Variants in CALR observed in about 807,000 individuals in gnomAD.
The protein encoded by CALR is CRP55.
A neutral mutation model predicts 51.1 loss-of-function variants in CALR; 15 were observed. The ratio of observed to expected loss-of-function variants is 0.29; its 90% CI spans 0.20 to 0.45. The LOEUF is 0.45. CALR is among the 20% of genes least tolerant of loss of function. The pLI is 1.00. For synonymous variants in CALR, 239 were observed against 205.9 expected (o/e 1.16, Z -1.38); for missense variants, 477 against 530.6 (o/e 0.90, Z 0.99).
At chr19:12,942,493 C>G (rs181425729) in intron 7 of CALR, among the ~76,000 whole-genome samples, 2 of 151,514 alleles carry the variant, frequency 1.3e-5, no homozygotes, top group Non-Finnish European at 2.9e-5. Flanking sequence ...AAACAAGAAA[C>G]AGGTGCAGAG....
intron 7 of CALR, chr19:12,943,222 C>G: frequency 1.6e-5 from 6 of 369,836 alleles, no homozygotes; most frequent in South Asian, 1.3e-4. Flanking sequence ...ATAGCTGGGA[C>G]TACAGGCACT....
chr19:12,940,257 A>C lies in CALR; in HGVS notation c.507A>C (p.Thr169=), dbSNP rs187996595. The C allele has an allele frequency of 6.2e-7, 1 of 1,614,196 alleles. No individual in the cohort carries two copies. Among genetic ancestry groups the C allele is most frequent in the Middle Eastern group, 1.6e-4 (1 of 6,062 alleles). ...KDIRCKDDEF[T]HLYTLIVRPD... is the part of the protein sequence containing the mutation. Reference sequence around the variant, plus strand: ...TCCTTCTTCAGGATGATGAGTTTACACACCTGTACACACTGATTGTGCGGC... The same window carrying C: ...TCCTTCTTCAGGATGATGAGTTTACCCACCTGTACACACTGATTGTGCGGC... The change falls in exon 5 of 9, where the codon ACA becomes ACC. Residue 169 remains threonine (T), a synonymous_variant. Coordinates refer to ENST00000316448, the MANE Select transcript of CALR (RefSeq NM_004343.4).
Position 12,940,768 on chromosome 19 carries a change from G to C in CALR, c.841G>C (p.Asp281His). 1 of 1,614,102 alleles carries C rather than the reference G, an allele frequency of 6.2e-7. No individual in the cohort carries two copies. Among genetic ancestry groups the C allele is most frequent in the Non-Finnish European group, 8.5e-7 (1 of 1,180,018 alleles). Residue 281 changes from aspartate (D) to histidine (H), a missense_variant, in exon 7 of 9, where the codon GAC becomes CAC. By Grantham distance (81) the Asp-to-His change is moderately conservative. Coordinates refer to ENST00000316448, the MANE Select transcript of CALR (RefSeq NM_004343.4). ...GGGTGAGTGGAAGCCCCGGCAGATCGACAACCCAGATTACAAGGGCACTTG... is the reference window on the plus strand; with the variant it reads ...GGGTGAGTGGAAGCCCCGGCAGATCCACAACCCAGATTACAAGGGCACTTG... ...YKGEWKPRQIDNPDYKGTWIH... is the reference protein window; with the variant it reads ...YKGEWKPRQIHNPDYKGTWIH...
At chr19:12,943,139 C>CA (rs1183973426) in intron 7 of CALR, 1 of 179,624 alleles carries the variant, frequency 5.6e-6, no homozygotes, top group African/African-American at 2.9e-5. Context: ...GGCTGGAGTG[C>CA]AGTGGCACGA....
At position 12,939,609 on chromosome 19, in the gene CALR, C is replaced by G. The variant is rs753812197; in HGVS notation, c.375C>G (p.Asp125Glu). Reference sequence around the variant, plus strand: ...TGGACCAGACAGACATGCACGGAGACTCAGAATACAACATCATGTTTGGTG... The same window carrying G: ...TGGACCAGACAGACATGCACGGAGAGTCAGAATACAACATCATGTTTGGTG... ...NSLDQTDMHG[D>E]SEYNIMFGPD... Residue 125 changes from aspartate to glutamate, a missense_variant, in exon 3 of 9, where the codon GAC becomes GAG. By Grantham distance (45) the Asp-to-Glu change is conservative. Coordinates refer to ENST00000316448, the MANE Select transcript of CALR (RefSeq NM_004343.4). The G allele has an allele frequency of 6.2e-6, 10 of 1,613,908 alleles. No homozygotes were observed. The Admixed American group carries it at 1.2e-4, about 19-fold the overall frequency.
intron 7 of CALR, 72 bp downstream of exon 7, chr19:12,940,959 C>T: frequency 1.4e-6 from 2 of 1,458,278 alleles, no homozygotes; most frequent in Non-Finnish European, 1.9e-6. Flanking sequence ...AGGAAAGGGA[C>T]AGGGTAGGCA....
intron 1 of CALR, 173 bp from the exon 2 acceptor site, chr19:12,938,961 A>AG (rs1459805764): frequency 2.8e-6 from 2 of 719,566 alleles, no homozygotes; most frequent in Non-Finnish European, 5.0e-6. Flanking sequence ...GGCGGGAGTT[A>AG]GGGTTAGCCC....
chr19:12,938,912 G>A, intron 1 of CALR, 142 bp downstream of exon 1: 1 of 796,662 alleles, frequency 1.3e-6, no homozygotes, highest in Non-Finnish European at 2.2e-6. Flanking sequence ...TTTCTCTTCT[G>A]CGTCCCTGGG....
In CALR at chr19:12,940,345, G is replaced by T. The variant is rs199565419; in HGVS notation, c.595G>T (p.Asp199Tyr). 3.7e-6 allele frequency: 6 copies of T among 1,614,106 alleles called. No homozygotes were observed. Among genetic ancestry groups the T allele is most frequent in the Non-Finnish European group, 5.1e-6 (6 of 1,179,988 alleles). ...GGTGGAGTCCGGCTCCTTGGAAGAC[G>T]ATTGGGACTTCCTGCCACCCAAGAA... is the stretch of plus-strand genomic sequence containing the variant. Reference protein sequence around the residue: ...SQVESGSLEDDWDFLPPKKIK... With the variant: ...SQVESGSLEDYWDFLPPKKIK... Residue 199 changes from aspartate (D) to tyrosine (Y), a missense_variant, in exon 5 of 9, where the codon GAT becomes TAT. Transcript: ENST00000316448.
chr19:12,941,199 G>A (rs577852485), intron 7 of CALR, among the ~76,000 whole-genome samples: 58 of 152,238 alleles, frequency 3.8e-4, no homozygotes, highest in Admixed American at 3.1e-3. Context: ...TTACAATCAC[G>A]GTACTTTGGG....
rs764612484 is a variant in CALR at position 12,939,190 on chromosome 19, G to C, written c.148G>C (p.Val50Leu). Reference protein sequence around the residue: ...SKHKSDFGKFVLSSGKFYGDE... With the variant: ...SKHKSDFGKFLLSSGKFYGDE... ...ACACAAGTCAGATTTTGGCAAATTC[G>C]TTCTCAGTTCCGGCAAGTTCTACGG... Residue 50 changes from valine (V) to leucine (L), a missense_variant, in exon 2 of 9, where the codon GTT becomes CTT. Val to Leu is a conservative substitution (Grantham distance 32). Transcript: ENST00000316448. 5.0e-6 allele frequency: 8 copies of C among 1,612,064 alleles called. No individual in the cohort carries two copies. The Admixed American group carries it at 1.3e-4, about 27-fold the overall frequency.
chr19:12,941,005 G>T, intron 7 of CALR, 118 bp downstream of exon 7: 1 of 936,530 alleles, frequency 1.1e-6, no homozygotes. Flanking sequence ...GGTACTTCTT[G>T]TAAACAGTAC....
At chr19:12,942,572 A>G (rs1480901306) in intron 7 of CALR, among the ~76,000 whole-genome samples, 1 of 151,172 alleles carries the variant, frequency 6.6e-6, no homozygotes, top group African/African-American at 2.4e-5. Flanking sequence ...CCTGGGCAGT[A>G]CAGCACCTGA....
At position 12,938,613 on chromosome 19, in the gene CALR, G is replaced by A. The variant is rs922280180; in HGVS notation, c.-67G>A. On this transcript the variant is annotated 5_prime_UTR_variant, in exon 1 of 9. Transcript: ENST00000316448. The stretch of plus-strand genomic sequence containing the variant: ...GCAAGGCGGGCGGCGGCGTCCGTCC[G>A]TACTGCAGAGCCGCTGCCGGAGGGT... 5.6e-6 allele frequency: 7 copies of A among 1,251,008 alleles called. No individual in the cohort carries two copies. The highest frequency in any genetic ancestry group is 2.3e-4 in the Middle Eastern group (1 of 4,360). The allele number at this position is 1,251,008 out of a possible 1,614,324, so 77.5% of individuals were successfully genotyped here. A position where few individuals can be genotyped will look rare whatever the true frequency, so the allele number is the denominator to read the frequency against.
intron 7 of CALR, among the ~76,000 whole-genome samples, chr19:12,941,364 CA>C (rs1168106883): frequency 1.3e-5 from 2 of 152,080 alleles, no homozygotes; most frequent in Non-Finnish European, 1.5e-5. Context: ...GGCACGATCT[CA>C]GCTCACTGCG....
At chr19:12,943,253 T>G in intron 7 of CALR, 2 of 399,724 alleles carry the variant, frequency 5.0e-6, no homozygotes, top group Non-Finnish European at 9.5e-6. Flanking sequence ...CCTGGCTGAT[T>G]TTTTGTATTT....
At chr19:12,942,845 A>C (rs1161362468) in intron 7 of CALR, among the ~76,000 whole-genome samples, 4 of 149,950 alleles carry the variant, frequency 2.7e-5, no homozygotes, top group Non-Finnish European at 5.9e-5. Flanking sequence ...CAACCTCTGC[A>C]TCCCAGATTC....
Position 12,938,623 on chromosome 19 carries a change from G to C in CALR, c.-57G>C, listed in dbSNP as rs1005382801. 2 of 1,372,630 alleles carry C rather than the reference G, an allele frequency of 1.5e-6. No individual in the cohort carries two copies. The highest frequency in any genetic ancestry group is 1.2e-5 in the South Asian group (1 of 81,520). 85.0% of individuals were successfully genotyped at this position (1,372,630 alleles called of 1,614,324 possible). ...CGGCGGCGTCCGTCCGTACTGCAGA[G>C]CCGCTGCCGGAGGGTCGTTTTAAAG... On this transcript the variant is annotated 5_prime_UTR_variant, in exon 1 of 9. Coordinates refer to ENST00000316448, the MANE Select transcript of CALR (RefSeq NM_004343.4).
Position 12,940,607 on chromosome 19 carries a change from A to C in CALR, c.769A>C (p.Met257Leu), listed in dbSNP as rs1158435388. 1.2e-6 allele frequency: 2 copies of C among 1,614,172 alleles called. No individual in the cohort carries two copies. Residue 257 changes from methionine (M) to leucine (L), a missense_variant, in exon 6 of 9, where the codon ATG becomes CTG. Transcript: ENST00000316448. ...AKKPEDWDEE[M>L]DGEWEPPVIQ... is the part of the protein sequence containing the mutation. ...GAAGCCCGAGGACTGGGATGAAGAG[A>C]TGGACGGAGAGTGGGAACCCCCAGT...
Sources: allele counts gnomAD v4.1 joint callset (sites outside exome capture counted in the v4.1 genomes callset), GRCh38; gene constraint gnomAD v4.1.1; transcripts MANE v1.5; gene names NCBI Gene and HGNC (gene_info 2026-07-23, HGNC 2026-07-21).